BABAM2: variants seen among roughly 807,000 people sequenced by gnomAD.
The protein encoded by BABAM2 is BRISC and BRCA1 A complex member 2.
A neutral mutation model predicts 54.7 loss-of-function variants in BABAM2; 31 were observed. The ratio of observed to expected loss-of-function variants is 0.57; its 90% confidence interval spans 0.43 to 0.77. The LOEUF is 0.77. BABAM2 is among the 30% of genes least tolerant of loss of function. BABAM2 has a pLI of 0.00. For missense variants in BABAM2, 364 were observed against 455.8 expected (o/e 0.80, Z 1.83); for synonymous variants, 167 against 162.9 (o/e 1.03, Z -0.19).
intron 7 of BABAM2, among the ~76,000 whole-genome samples, chr2:28,152,430 TCTC>T (rs1005491447): frequency 3.9e-5 from 6 of 152,276 alleles, no homozygotes; most frequent in African/African-American, 1.4e-4. Flanking sequence ...AAGGGATCTT[TCTC>T]CTCCTCCAAG....
intron 10 of BABAM2, among the ~76,000 whole-genome samples, chr2:28,247,113 A>G (rs1022191774): frequency 1.3e-5 from 2 of 152,246 alleles, no homozygotes; most frequent in African/African-American, 4.8e-5. Context: ...TAGAACAGCT[A>G]CCCGGGACCT....
chr2:28,146,367 A>T (rs1558381953), intron 7 of BABAM2, among the ~76,000 whole-genome samples: 1 of 152,196 alleles, frequency 6.6e-6, no homozygotes, highest in African/African-American at 2.4e-5. Flanking sequence ...CCATGTGCAT[A>T]TTAGCATTTC....
chr2:28,308,832 T>C (rs1476811639), intron 11 of BABAM2: 2 of 157,750 alleles, frequency 1.3e-5, no homozygotes, highest in African/African-American at 4.8e-5. Context: ...ACAGGCTATG[T>C]GACTTTGGGC....
At chr2:28,168,848 A>G (rs1027020173) in intron 7 of BABAM2, among the ~76,000 whole-genome samples, 8 of 152,178 alleles carry the variant, frequency 5.3e-5, no homozygotes, top group African/African-American at 1.9e-4. Flanking sequence ...AAGGAGCAGG[A>G]TAGTTAGTCT....
At chr2:28,208,029 C>CTG (rs4043353) in intron 7 of BABAM2, among the ~76,000 whole-genome samples, 1,577 of 149,816 alleles carry the variant, frequency 0.011, 21 homozygotes, top group African/African-American at 0.036. Context: ...GTGTTAAAGG[C>CTG]TGTGTGTGTG....
intron 2 of BABAM2, among the ~76,000 whole-genome samples, chr2:27,927,717 T>C (rs1667810073): frequency 6.6e-6 from 1 of 152,188 alleles, no homozygotes; most frequent in Non-Finnish European, 1.5e-5. Flanking sequence ...TTTGTTACCA[T>C]TCAATTACTG....
chr2:28,043,089 A>T (rs1405397750), intron 5 of BABAM2, among the ~76,000 whole-genome samples: 1 of 151,844 alleles, frequency 6.6e-6, no homozygotes, highest in African/African-American at 2.4e-5. Flanking sequence ...GGAAAAATTA[A>T]TTATATAGGA....
Position 28,182,155 on chromosome 2 carries a change from CT to C in BABAM2, c.680+52777del, listed in dbSNP as rs112719542. Among the ~76,000 whole-genome samples the C allele has an allele frequency of 4.7e-3, 722 of 152,202 alleles. 4 individuals are homozygous for C. Among genetic ancestry groups the C allele is most frequent in the African/African-American group, 0.017 (692 of 41,500 alleles). ...TTACAGGCCGCTTTAAGGACACTGG[CT>C]TATACTCTGAGAGACTCACTGGAGT... On this transcript the variant is annotated intron_variant, in intron 7 of 11. Coordinates refer to ENST00000379624, the MANE Select transcript of BABAM2 (RefSeq NM_199191.3).
chr2:28,199,338 A>G (rs888451005), intron 7 of BABAM2, among the ~76,000 whole-genome samples: 1 of 152,232 alleles, frequency 6.6e-6, no homozygotes, highest in African/African-American at 2.4e-5. Flanking sequence ...GGCACAGGTA[A>G]GTGCCACCTA....
intron 7 of BABAM2, among the ~76,000 whole-genome samples, chr2:28,225,817 G>A (rs927170613): frequency 1.3e-5 from 2 of 151,840 alleles, no homozygotes; most frequent in African/African-American, 4.8e-5. Flanking sequence ...CCTGCTGATG[G>A]AATATAGCTT....
chr2:27,928,381 C>T (rs1667862430), intron 2 of BABAM2, among the ~76,000 whole-genome samples: 1 of 152,038 alleles, frequency 6.6e-6, no homozygotes, highest in East Asian at 1.9e-4. Flanking sequence ...AACTCCTGAC[C>T]TCCAGTGATT....
At chr2:27,928,595 T>C (rs562436955) in intron 2 of BABAM2, among the ~76,000 whole-genome samples, 1 of 152,306 alleles carries the variant, frequency 6.6e-6, no homozygotes, top group Admixed American at 6.5e-5. Flanking sequence ...TGTAGGGAAG[T>C]TGTACATTTA....
intron 8 of BABAM2, among the ~76,000 whole-genome samples, chr2:28,237,705 C>T (rs1682040121): frequency 6.6e-6 from 1 of 152,166 alleles, no homozygotes; most frequent in Non-Finnish European, 1.5e-5. Flanking sequence ...AGTTGGTATC[C>T]GCGTAATTGT....
chr2:28,019,725 T>G (rs1675112670), intron 4 of BABAM2, among the ~76,000 whole-genome samples: 1 of 152,228 alleles, frequency 6.6e-6, no homozygotes, highest in Non-Finnish European at 1.5e-5. Flanking sequence ...TTGCCAGTTA[T>G]TTCAGCACCA....
At chr2:28,115,470 C>CA (rs1185699281) in intron 6 of BABAM2, among the ~76,000 whole-genome samples, 2 of 151,734 alleles carry the variant, frequency 1.3e-5, no homozygotes, top group Non-Finnish European at 2.9e-5. Flanking sequence ...ACTAAAAATA[C>CA]AAAAAATTAT....
chr2:28,103,082 T>A (rs947576036), intron 6 of BABAM2, among the ~76,000 whole-genome samples: 4 of 152,024 alleles, frequency 2.6e-5, no homozygotes, highest in Admixed American at 2.6e-4. Flanking sequence ...TGATGTGATA[T>A]CTTTCATTTT....
intron 10 of BABAM2, among the ~76,000 whole-genome samples, chr2:28,278,176 G>T (rs151323570): frequency 6.6e-6 from 1 of 152,154 alleles, no homozygotes; most frequent in Non-Finnish European, 1.5e-5. Context: ...TATATACACC[G>T]TTCAAAATAT....
intron 10 of BABAM2, among the ~76,000 whole-genome samples, chr2:28,279,574 T>G (rs1398950459): frequency 6.6e-6 from 1 of 152,140 alleles, no homozygotes; most frequent in Non-Finnish European, 1.5e-5. Context: ...GAGTTCATTT[T>G]TGCTTCATCT....
chr2:28,326,055 G>A (rs1690424682), intron 11 of BABAM2, among the ~76,000 whole-genome samples: 1 of 152,204 alleles, frequency 6.6e-6, no homozygotes, highest in East Asian at 1.9e-4. Context: ...GCTGGGGTGT[G>A]ACTTGGGGCC....
Sources: allele counts gnomAD v4.1 joint callset (sites outside exome capture counted in the v4.1 genomes callset), GRCh38; gene constraint gnomAD v4.1.1; transcripts MANE v1.5; gene names NCBI Gene and HGNC (gene_info 2026-07-23, HGNC 2026-07-21).